Variants in SNRPA1 observed in about 807,000 individuals in gnomAD.
SNRPA1 encodes the protein U2 small nuclear ribonucleoprotein A'.
SNRPA1 carries 5 observed loss-of-function variants against 32.3 expected under a neutral mutation model. The observed-to-expected ratio is 0.15, with a 90% confidence interval of 0.08 to 0.33. The LOEUF (loss-of-function observed/expected upper bound fraction) is 0.33, where lower values mean the gene tolerates loss of function less well. SNRPA1 is among the 10% of genes least tolerant of loss of function. SNRPA1 has a pLI of 1.00. For synonymous variants in SNRPA1, 111 were observed against 120.1 expected (o/e 0.92, Z 0.50); for missense variants, 198 against 311.1 (o/e 0.64, Z 2.74).
chr15:101,294,941 G>T, intron 1 of SNRPA1, 156 bp downstream of exon 1: 1 of 488,824 alleles, frequency 2.0e-6, no homozygotes, highest in Non-Finnish European at 3.6e-6. Flanking sequence ...GGCAACAACG[G>T]CAAGAATCAG....
chr15:101,295,055 C>T (rs1449785750), intron 1 of SNRPA1, 42 bp downstream of exon 1: 29 of 1,298,164 alleles, frequency 2.2e-5, no homozygotes, highest in Non-Finnish European at 2.5e-5. Context: ...TAAGGCGGCT[C>T]GGTGCCGCCT....
chr15:101,292,103 T>C, intron 2 of SNRPA1, 63 bp from the exon 3 acceptor site: 4 of 1,101,410 alleles, frequency 3.6e-6, no homozygotes, highest in Non-Finnish European at 5.6e-6. Flanking sequence ...TTTATCTACC[T>C]CCTTGCTCAG....
At chr15:101,294,172 G>A (rs948098345) in intron 1 of SNRPA1, among the ~76,000 whole-genome samples, 1 of 152,340 alleles carries the variant, frequency 6.6e-6, no homozygotes, top group Middle Eastern at 3.4e-3. Context: ...GGAGGCGGCG[G>A]TTGCAGTGAG....
chr15:101,285,743 C>T lies in SNRPA1; in HGVS notation c.598G>A (p.Asp200Asn), dbSNP rs748428177. 8 of 1,613,312 alleles carry T rather than the reference C, an allele frequency of 5.0e-6. No homozygotes were observed. In the South Asian group the frequency reaches 6.6e-5, roughly 13 times the overall value. The change falls in exon 7 of 9, where the codon GAT becomes AAT. Residue 200 changes from aspartate to asparagine, a missense_variant. By Grantham distance (23) the Asp-to-Asn change is conservative (BLOSUM62 1). Transcript: ENST00000254193. The part of the protein sequence containing the change: ...DKKKGGPSPG[D>N]VEAIKNAIAN... ...ATGATTACCTTGATTGCTTCTACAT[C>T]CCCTGGAGATGGCCCACCTTTCTTT... is the stretch of plus-strand genomic sequence containing the variant.
intron 1 of SNRPA1, 118 bp from the exon 2 acceptor site, chr15:101,293,290 T>C (rs2039548279): frequency 3.0e-6 from 2 of 661,140 alleles, no homozygotes; most frequent in Non-Finnish European, 4.9e-6. Context: ...CAGGAAGTAT[T>C]ACCTAGCACC....
At chr15:101,285,877 G>C in intron 6 of SNRPA1, 76 bp from the exon 7 acceptor site, 2 of 1,129,938 alleles carry the variant, frequency 1.8e-6, no homozygotes, top group Middle Eastern at 2.8e-4. Context: ...AAAAGCTTTT[G>C]AAAGTAATTC....
chr15:101,291,649 T>C (rs575990847), intron 3 of SNRPA1, among the ~76,000 whole-genome samples: 1 of 152,178 alleles, frequency 6.6e-6, no homozygotes, highest in Non-Finnish European at 1.5e-5. Context: ...GAAAACAACA[T>C]AGGAGTTTAT....
intron 8 of SNRPA1, chr15:101,284,721 C>T (rs924926749): frequency 4.8e-5 from 16 of 333,712 alleles, no homozygotes; most frequent in Middle Eastern, 1.1e-3. Context: ...AGGCTGGTCT[C>T]GAACTCCTGA....
chr15:101,292,640 T>C (rs1162151234), intron 2 of SNRPA1, among the ~76,000 whole-genome samples: 2 of 151,860 alleles, frequency 1.3e-5, no homozygotes, highest in Non-Finnish European at 2.9e-5. Context: ...ATTGTTACCT[T>C]TATATATCCT....
At chr15:101,292,603 A>C (rs1387323945) in intron 2 of SNRPA1, among the ~76,000 whole-genome samples, 1 of 148,888 alleles carries the variant, frequency 6.7e-6, no homozygotes, top group Non-Finnish European at 1.5e-5. Flanking sequence ...AAAAAAAAAA[A>C]AGCAGAGACG....
chr15:101,292,377 G>A (rs375270296), intron 2 of SNRPA1, among the ~76,000 whole-genome samples: 1 of 152,254 alleles, frequency 6.6e-6, no homozygotes, highest in East Asian at 1.9e-4. Flanking sequence ...TCCCAGCTCA[G>A]GTACAAGACA....
intron 7 of SNRPA1, among the ~76,000 whole-genome samples, chr15:101,285,402 G>T (rs2039443764): frequency 6.6e-6 from 1 of 152,144 alleles, no homozygotes; most frequent in African/African-American, 2.4e-5. Context: ...TCAGTCAAAA[G>T]GATTTGCCAG....
chr15:101,291,606 G>C (rs1444711708), intron 3 of SNRPA1, among the ~76,000 whole-genome samples: 4 of 151,430 alleles, frequency 2.6e-5, no homozygotes, highest in Non-Finnish European at 5.9e-5. Flanking sequence ...GCCACCTGTA[G>C]TTACTGGTAC....
chr15:101,285,998 C>T, intron 6 of SNRPA1, 197 bp from the exon 7 acceptor site: 1 of 630,792 alleles, frequency 1.6e-6, no homozygotes, highest in South Asian at 2.0e-5. Flanking sequence ...CATGGTATCA[C>T]ATGAAGACTG....
In SNRPA1 at chr15:101,287,689, G is replaced by A. The variant is rs769605360; in HGVS notation, c.323C>T (p.Pro108Leu). The A allele has an allele frequency of 1.2e-6, 2 of 1,613,756 alleles. No homozygotes were observed. Among genetic ancestry groups the A allele is most frequent in the Admixed American group, 1.7e-5 (1 of 60,000 alleles). ...AGTCAGCGATTTGAGAGATGCCAGA[G>A]GGTCCAGATCACCCTGTCAAGCAAT... ...NSLVELGDLD[P>L]LASLKSLTYL... The change falls in exon 4 of 9, where the codon CCT (proline) becomes CTT (leucine). Residue 108 changes from proline (P) to leucine (L), a missense_variant. By Grantham distance (98) the Pro-to-Leu change is moderately conservative (BLOSUM62 -3). Coordinates refer to ENST00000254193, the MANE Select transcript of SNRPA1 (RefSeq NM_003090.4).
intron 8 of SNRPA1, among the ~76,000 whole-genome samples, chr15:101,283,858 T>G (rs28461684): frequency 0.094 from 14,259 of 152,246 alleles, 2,114 homozygotes; most frequent in African/African-American, 0.31. Flanking sequence ...GAGAATCGCT[T>G]GAACCCGGGA....
At chr15:101,294,084 A>C in intron 1 of SNRPA1, among the ~76,000 whole-genome samples, 1 of 152,044 alleles carries the variant, frequency 6.6e-6, no homozygotes, top group East Asian at 1.9e-4. Flanking sequence ...AAATACAAAA[A>C]ATTAGCCGGG....
At chr15:101,282,112 C>T (rs1259326570) in intron 8 of SNRPA1, among the ~76,000 whole-genome samples, 10 of 152,152 alleles carry the variant, frequency 6.6e-5, no homozygotes, top group Admixed American at 5.2e-4. Flanking sequence ...GCAAAGAAAC[C>T]GGAAATACTC....
chr15:101,291,558 G>A (rs1396696854), intron 3 of SNRPA1, among the ~76,000 whole-genome samples: 1 of 150,330 alleles, frequency 6.7e-6, no homozygotes, highest in Non-Finnish European at 1.5e-5. Context: ...GAAATCCAGT[G>A]TGTATTTTAT....
Sources: allele counts gnomAD v4.1 joint callset (sites outside exome capture counted in the v4.1 genomes callset), GRCh38; gene constraint gnomAD v4.1.1; transcripts MANE v1.5; gene names NCBI Gene and HGNC (gene_info 2026-07-23, HGNC 2026-07-21).